The following MTMR3 variants were observed in gnomAD, a reference collection of about 807,000 sequenced individuals.
MTMR3 encodes phosphatidylinositol-3,5-bisphosphate 3-phosphatase MTMR3.
A neutral mutation model predicts 132.4 loss-of-function variants in MTMR3; 32 were observed. That is an observed-to-expected ratio of 0.24 (90% CI 0.18 to 0.32). MTMR3 has a LOEUF of 0.32. Ranked by LOEUF, MTMR3 falls within the 10% of genes least tolerant of loss-of-function variation. The pLI, the probability that MTMR3 is intolerant of heterozygous loss-of-function variation, is 1.00. For missense variants in MTMR3, 1,216 were observed against 1,489.6 expected (o/e 0.82, Z 3.02); for synonymous variants, 556 against 550.3 (o/e 1.01, Z -0.14).
Position 30,020,070 on chromosome 22 carries a change from G to A in MTMR3, c.2411G>A (p.Gly804Asp), listed in dbSNP as rs2145974037. Residue 804 changes from glycine (G) to aspartate (D), a missense_variant, in exon 17 of 20, where the codon GGT becomes GAT. Transcript: ENST00000401950. Reference sequence around the variant, plus strand: ...TTTCGAATAGAAGAGATTGCAGAGGGTAGGGAGGAAGCAGTTCTTCCAATC... The same window carrying A: ...TTTCGAATAGAAGAGATTGCAGAGGATAGGGAGGAAGCAGTTCTTCCAATC... ...EQFRIEEIAE[G>D]REEAVLPIPV... 1 of 1,614,202 alleles carries A rather than the reference G, an allele frequency of 6.2e-7. No homozygotes were observed. The highest frequency in any genetic ancestry group is 8.5e-7 in the Non-Finnish European group (1 of 1,180,048).
chr22:29,885,575 C>T (rs1382453155), intron 1 of MTMR3, among the ~76,000 whole-genome samples: 3 of 152,126 alleles, frequency 2.0e-5, no homozygotes, highest in Admixed American at 2.0e-4. Flanking sequence ...GGGAGTAAGT[C>T]GGCTTCTGGC....
At chr22:30,018,352 C>T (rs1357903783) in intron 16 of MTMR3, 2 of 358,072 alleles carry the variant, frequency 5.6e-6, no homozygotes, top group East Asian at 5.0e-5. Flanking sequence ...TCTGTGACCC[C>T]CTGGTTTGTG....
At chr22:29,967,193 TTGTGTGTGTG>T (rs10680622) in intron 2 of MTMR3, among the ~76,000 whole-genome samples, 6,519 of 141,878 alleles carry the variant, frequency 0.046, 440 homozygotes, top group East Asian at 0.36. Flanking sequence ...TTCACCTCTG[TTGTGTGTGTG>T]TGTGTGTGTG....
At chr22:30,016,476 T>G in intron 14 of MTMR3, 52 bp from the exon 15 acceptor site, 1 of 1,584,310 alleles carries the variant, frequency 6.3e-7, no homozygotes, top group Non-Finnish European at 8.6e-7. Flanking sequence ...AGCTGACTTA[T>G]CAGAGTGTGC....
At chr22:30,022,812 A>C in intron 19 of MTMR3, 115 bp downstream of exon 19, 1 of 926,562 alleles carries the variant, frequency 1.1e-6, no homozygotes, top group Non-Finnish European at 1.7e-6. Flanking sequence ...AGGCAGAGCC[A>C]TGGTCTCATC....
intron 11 of MTMR3, 184 bp downstream of exon 11, chr22:30,008,216 A>G: frequency 1.4e-6 from 1 of 706,010 alleles, no homozygotes; most frequent in Non-Finnish European, 2.2e-6. Flanking sequence ...GGAGAAATGG[A>G]GGAGGAGGTG....
Position 30,020,824 on chromosome 22 carries a change from C to A in MTMR3, c.3165C>A (p.Arg1055=), listed in dbSNP as rs1172900694. 1 of 1,610,848 alleles carries A rather than the reference C, an allele frequency of 6.2e-7. No individual in the cohort carries two copies. The highest frequency in any genetic ancestry group is 2.2e-5 in the East Asian group (1 of 44,768). The change falls in exon 17 of 20, where the codon CGC becomes CGA. Residue 1055 remains arginine, a synonymous_variant. Coordinates refer to ENST00000401950, the MANE Select transcript of MTMR3 (RefSeq NM_021090.4). ...AACAAGTCCAGGAGCTGAAGAGTCG[C>A]CTGGAGAGCCAGTACCTGACCAGCT... The part of the protein sequence containing the change: ...LKKQVQELKS[R]LESQYLTSSL...
intron 13 of MTMR3, 79 bp downstream of exon 13, chr22:30,012,642 A>C (rs1293732586): frequency 7.1e-7 from 1 of 1,404,276 alleles, no homozygotes; most frequent in South Asian, 1.5e-5. Flanking sequence ...CAGTTTTGGG[A>C]GTGGTGATTC....
At chr22:29,931,962 T>C (rs995572609) in intron 1 of MTMR3, among the ~76,000 whole-genome samples, 1 of 152,170 alleles carries the variant, frequency 6.6e-6, no homozygotes, top group African/African-American at 2.4e-5. Context: ...TTGATTTCAC[T>C]GTACACCTTC....
At chr22:29,916,986 A>C (rs527506090) in intron 1 of MTMR3, among the ~76,000 whole-genome samples, 2 of 152,240 alleles carry the variant, frequency 1.3e-5, no homozygotes, top group Admixed American at 1.3e-4. Flanking sequence ...GTCACTAATT[A>C]TGGATTATTC....
intron 1 of MTMR3, among the ~76,000 whole-genome samples, chr22:29,927,177 A>G (rs1393743959): frequency 6.6e-6 from 1 of 152,180 alleles, no homozygotes; most frequent in Non-Finnish European, 1.5e-5. Context: ...TCTATGTAAG[A>G]GTTTATTTCT....
chr22:29,972,181 G>T (rs1209637821), intron 3 of MTMR3, among the ~76,000 whole-genome samples: 1 of 152,008 alleles, frequency 6.6e-6, no homozygotes, highest in Non-Finnish European at 1.5e-5. Context: ...TTATTTTATT[G>T]GTTTTCCCAC....
At chr22:29,979,864 T>C (rs1423374234) in intron 5 of MTMR3, 1 of 152,222 alleles carries the variant, frequency 6.6e-6, no homozygotes, top group Non-Finnish European at 1.5e-5. Flanking sequence ...GGACTATGTA[T>C]TACTGAAGAA....
intron 1 of MTMR3, among the ~76,000 whole-genome samples, chr22:29,952,162 C>T (rs896779504): frequency 2.0e-5 from 3 of 152,066 alleles, no homozygotes; most frequent in African/African-American, 4.8e-5. Context: ...TTTTTTGATA[C>T]AAGAAATGAT....
intron 1 of MTMR3, among the ~76,000 whole-genome samples, chr22:29,910,353 TA>T (rs1336625485): frequency 1.3e-5 from 2 of 152,172 alleles, no homozygotes; most frequent in Non-Finnish European, 2.9e-5. Flanking sequence ...ACTGATCAGT[TA>T]AAGTGATGGA....
At position 30,030,863 on chromosome 22, in the gene MTMR3, C is replaced by T. The variant is rs2068001181; in HGVS notation, c.*5062C>T. 6.6e-6 allele frequency: 1 copy of T among 152,250 alleles called. No individual in the cohort carries two copies. Among genetic ancestry groups the T allele is most frequent in the African/African-American group, 2.4e-5 (1 of 41,418 alleles). The allele number at this position is 152,250 out of a possible 1,614,324, so 9.4% of individuals were successfully genotyped here. A position where few individuals can be genotyped will look rare whatever the true frequency, so the allele number is the denominator to read the frequency against. On this transcript the variant is annotated 3_prime_UTR_variant, in exon 20 of 20. Coordinates refer to ENST00000401950, the MANE Select transcript of MTMR3 (RefSeq NM_021090.4). ...TTCTTAAAATAAAAAGTCTGAAAAT[C>T]ACTAATCCAATCTCCTCCTTTTTCA...
At chr22:30,003,290 AAGCATTTAGCTTCAGCTGTT>A (rs1325409732) in intron 9 of MTMR3, 1 of 228,726 alleles carries the variant, frequency 4.4e-6, no homozygotes, top group Non-Finnish European at 8.6e-6. Flanking sequence ...TGTGCTTACT[AAGCATTTAGCTTCAGCTGTT>A]AGCAGGGCTT....
intron 1 of MTMR3, among the ~76,000 whole-genome samples, chr22:29,936,726 A>C (rs1183188940): frequency 1.3e-5 from 2 of 152,216 alleles, no homozygotes; most frequent in Non-Finnish European, 2.9e-5. Context: ...CTGTAGTGGA[A>C]CATTATTTAG....
In MTMR3 at chr22:29,957,415, G is replaced by T. The variant is rs979093761; in HGVS notation, c.-85+327G>T. ...TAAATAGATTTATCAATCTCCAGTT[G>T]TATTTATTTATTTATTTATTTATTT... is the stretch of plus-strand genomic sequence containing the variant. On this transcript the variant is annotated intron_variant, in intron 2 of 19. Coordinates refer to ENST00000401950, the MANE Select transcript of MTMR3 (RefSeq NM_021090.4). Among the ~76,000 whole-genome samples, 3 of 147,110 alleles carry T rather than the reference G, an allele frequency of 2.0e-5. No homozygotes were observed. The East Asian group carries it at 5.9e-4, about 29-fold the overall frequency.
Sources: gnomAD v4.1 joint callset for allele counts (sites outside exome capture counted in the v4.1 genomes callset) on GRCh38, gnomAD v4.1.1 for gene constraint, MANE v1.5 for transcripts, NCBI Gene and HGNC (gene_info 2026-07-23, HGNC 2026-07-21) for gene names.